Variants in NCOA3 observed in about 807,000 individuals in gnomAD.
The protein encoded by NCOA3 is CBP-interacting protein.
NCOA3 carries 51 observed loss-of-function variants against 158.8 expected under a neutral mutation model. The ratio of observed to expected loss-of-function variants is 0.32; its 90% CI spans 0.26 to 0.41. NCOA3 has a LOEUF of 0.41. Ranked by LOEUF, NCOA3 falls within the 10% of genes least tolerant of loss-of-function variation. The probability of loss-of-function intolerance (pLI) is 1.00; values close to 1 mark genes in which losing one functional copy is unlikely to be tolerated. For synonymous variants in NCOA3, 537 were observed against 592.4 expected (o/e 0.91, Z 1.36); for missense variants, 1,510 against 1,746.6 (o/e 0.86, Z 2.41).
intron 1 of NCOA3, among the ~76,000 whole-genome samples, chr20:47,572,376 T>C (rs997300564): frequency 3.3e-5 from 5 of 151,984 alleles, no homozygotes; most frequent in African/African-American, 1.2e-4. Context: ...TGCACCCCAG[T>C]CTGGGCCATA....
chr20:47,502,219 G>A (rs913119009), intron 1 of NCOA3, among the ~76,000 whole-genome samples, 200 bp downstream of exon 1: 11 of 152,194 alleles, frequency 7.2e-5, no homozygotes, highest in African/African-American at 2.4e-4. Context: ...CCGGGGGGCG[G>A]CCCGCGGCGG....
In NCOA3 at chr20:47,627,703, G is replaced by T; in HGVS notation, c.675G>T (p.Gln225His). Reference sequence around the variant, plus strand: ...TGCGCCAGAGATATGAAACAATGCAGTGCTTTGCCCTGTCTCAGCCACGAG... The same window carrying T: ...TGCGCCAGAGATATGAAACAATGCATTGCTTTGCCCTGTCTCAGCCACGAG... ...PEMRQRYETM[Q>H]CFALSQPRAM... The change falls in exon 7 of 23, where the codon CAG becomes CAT. Residue 225 changes from glutamine to histidine, a missense_variant. This residue lies in a region of NCOA3 where 309 missense variants were observed against 427.1 expected (regional missense o/e 0.72). Transcript: ENST00000371998. 6.2e-7 allele frequency: 1 copy of T among 1,614,130 alleles called. No homozygotes were observed. The highest frequency in any genetic ancestry group is 2.2e-5 in the East Asian group (1 of 44,882).
At chr20:47,564,437 A>G (rs926257307) in intron 1 of NCOA3, among the ~76,000 whole-genome samples, 3 of 152,180 alleles carry the variant, frequency 2.0e-5, no homozygotes, top group Non-Finnish European at 4.4e-5. Flanking sequence ...TGTGCAAGTT[A>G]CTGGGGATAT....
rs1310144355 is a variant in NCOA3, at chr20:47,650,912, G to A, written c.3652-70G>A. The A allele has an allele frequency of 1.7e-5, 24 of 1,405,806 alleles. No homozygotes were observed. The East Asian group carries it at 5.3e-4, about 31-fold the overall frequency. 87.1% of individuals were successfully genotyped at this position (1,405,806 alleles called of 1,614,324 possible). On this transcript the variant is annotated intron_variant, in intron 19 of 22. Coordinates refer to ENST00000371998, the MANE Select transcript of NCOA3 (RefSeq NM_181659.3). ...CTGTCTTATACCTGGTGTATTGTGG[G>A]GGTACTATATGTATGCAACTGGCAG...
intron 1 of NCOA3, among the ~76,000 whole-genome samples, chr20:47,504,691 C>T (rs950566778): frequency 1.3e-5 from 2 of 151,260 alleles, no homozygotes; most frequent in East Asian, 3.9e-4. Context: ...GTAGTTCCAG[C>T]TACTCAGGAG....
At chr20:47,594,910 G>A (rs528005406) in intron 2 of NCOA3, among the ~76,000 whole-genome samples, 1 of 148,160 alleles carries the variant, frequency 6.7e-6, no homozygotes, top group South Asian at 2.1e-4. Context: ...TCCTGCCTCA[G>A]CCTCCTGAGT....
chr20:47,517,925 A>G (rs1400290758), intron 1 of NCOA3, among the ~76,000 whole-genome samples: 1 of 152,210 alleles, frequency 6.6e-6, no homozygotes, highest in Non-Finnish European at 1.5e-5. Context: ...AATGTACTCT[A>G]AGGCTGATAT....
intron 2 of NCOA3, among the ~76,000 whole-genome samples, chr20:47,609,326 G>A (rs551195827): frequency 6.6e-6 from 1 of 152,280 alleles, no homozygotes; most frequent in South Asian, 2.1e-4. Context: ...GATACTTGGT[G>A]AAGTAGGTTT....
At chr20:47,523,291 T>C (rs2084375574) in intron 1 of NCOA3, among the ~76,000 whole-genome samples, 1 of 152,112 alleles carries the variant, frequency 6.6e-6, no homozygotes, top group Non-Finnish European at 1.5e-5. Context: ...GGGCGATGAC[T>C]CTTTCTGGCT....
intron 1 of NCOA3, among the ~76,000 whole-genome samples, chr20:47,560,064 G>T (rs1370987586): frequency 6.6e-6 from 1 of 152,114 alleles, no homozygotes; most frequent in African/African-American, 2.4e-5. Flanking sequence ...GGAATTACAG[G>T]AGTGAGCCAC....
chr20:47,529,975 A>G (rs545638337), intron 1 of NCOA3, among the ~76,000 whole-genome samples: 1 of 152,334 alleles, frequency 6.6e-6, no homozygotes, highest in Non-Finnish European at 1.5e-5. Flanking sequence ...ATTTTCCACT[A>G]TTTCCCATAA....
At chr20:47,533,694 C>G (rs964638104) in intron 1 of NCOA3, among the ~76,000 whole-genome samples, 16 of 152,136 alleles carry the variant, frequency 1.1e-4, no homozygotes, top group Non-Finnish European at 1.6e-4. Context: ...TTTGAGAGGT[C>G]GAGGAGGGTG....
chr20:47,600,984 T>C (rs777534855), intron 2 of NCOA3, among the ~76,000 whole-genome samples: 1 of 152,200 alleles, frequency 6.6e-6, no homozygotes, highest in Non-Finnish European at 1.5e-5. Flanking sequence ...ATTATTAAAG[T>C]CAAAGAATGT....
At chr20:47,601,653 GTC>G (rs1169007952) in intron 2 of NCOA3, among the ~76,000 whole-genome samples, 1 of 152,090 alleles carries the variant, frequency 6.6e-6, no homozygotes, top group Non-Finnish European at 1.5e-5. Context: ...TTACGATTTT[GTC>G]TGTTTCCAAA....
chr20:47,558,904 CACG>C (rs1169778621), intron 1 of NCOA3, among the ~76,000 whole-genome samples: 3 of 147,128 alleles, frequency 2.0e-5, no homozygotes, highest in Non-Finnish European at 4.5e-5. Context: ...TGAAGTTATG[CACG>C]ACATCTGGAC....
chr20:47,635,942 C>T lies in NCOA3; in HGVS notation c.1556C>T (p.Ser519Phe). The T allele has an allele frequency of 3.1e-6, 5 of 1,614,070 alleles. No homozygotes were observed. Among genetic ancestry groups the T allele is most frequent in the Non-Finnish European group, 4.2e-6 (5 of 1,179,968 alleles). The change falls in exon 12 of 23, where the codon TCC (serine) becomes TTC (phenylalanine). Residue 519 changes from serine to phenylalanine, a missense_variant. Ser to Phe is a radical substitution (Grantham distance 155). Coordinates refer to ENST00000371998, the MANE Select transcript of NCOA3 (RefSeq NM_181659.3). ...GGCAATACTGGGAACCACAGCTTTT[C>T]CAGCAGCTCTCTCAGTGCCCTGCAA... ...SSGNTGNHSFSSSSLSALQAI... is the reference protein window; with the variant it reads ...SSGNTGNHSFFSSSLSALQAI...
chr20:47,601,158 C>T (rs544139056), intron 2 of NCOA3, among the ~76,000 whole-genome samples: 2 of 152,126 alleles, frequency 1.3e-5, no homozygotes, highest in South Asian at 2.1e-4. Context: ...CGTAACACCA[C>T]GGTGGAGAAG....
At chr20:47,620,673 T>TA (rs1380574473) in intron 2 of NCOA3, among the ~76,000 whole-genome samples, 2 of 152,226 alleles carry the variant, frequency 1.3e-5, no homozygotes, top group African/African-American at 4.8e-5. Context: ...AATAGCCTGT[T>TA]ACCCCAAATA....
At chr20:47,608,522 C>A (rs926274151) in intron 2 of NCOA3, among the ~76,000 whole-genome samples, 1 of 151,226 alleles carries the variant, frequency 6.6e-6, no homozygotes, top group South Asian at 2.1e-4. Flanking sequence ...GCGTGTGGTT[C>A]CAGCTACTCG....
Sources: gnomAD v4.1 joint callset for allele counts (sites outside exome capture counted in the v4.1 genomes callset) on GRCh38, gnomAD v4.1.1 for gene constraint, gnomAD v4.1.1 regional missense constraint, MANE v1.5 for transcripts, NCBI Gene and HGNC (gene_info 2026-07-23, HGNC 2026-07-21) for gene names.